Variants in GRIP1 observed in about 807,000 individuals in gnomAD.
The protein encoded by GRIP1 is glutamate receptor interacting protein 1.
In GRIP1, 45 loss-of-function variants were observed where a neutral mutation model predicts 129.9. The observed-to-expected ratio is 0.35, with a 90% CI of 0.27 to 0.44. The LOEUF (loss-of-function observed/expected upper bound fraction) is 0.44. Among genes scored for constraint, GRIP1 ranks in the 20% least tolerant of loss-of-function variants. The pLI, the probability that GRIP1 is intolerant of heterozygous loss-of-function variation, is 1.00. For synonymous variants in GRIP1, 530 were observed against 520.8 expected (o/e 1.02, Z -0.24); for missense variants, 1,196 against 1,396.8 (o/e 0.86, Z 2.29).
chr12:66,552,392 T>A (rs2062171961), intron 2 of GRIP1, among the ~76,000 whole-genome samples: 1 of 152,116 alleles, frequency 6.6e-6, no homozygotes, highest in African/African-American at 2.4e-5. Flanking sequence ...TTAAAGACTA[T>A]CCATTCTTTT....
intron 1 of GRIP1, among the ~76,000 whole-genome samples, chr12:66,908,306 T>A (rs1443827557): frequency 6.6e-6 from 1 of 152,074 alleles, no homozygotes; most frequent in Non-Finnish European, 1.5e-5. Flanking sequence ...TGAAAGTCAA[T>A]GACAATCTGA....
At chr12:66,449,444 G>GA (rs1051809226) in intron 11 of GRIP1, among the ~76,000 whole-genome samples, 10 of 151,380 alleles carry the variant, frequency 6.6e-5, no homozygotes, top group South Asian at 4.2e-4. Context: ...GGAGGAGTAA[G>GA]AAAAAAAATC....
intron 7 of GRIP1, among the ~76,000 whole-genome samples, chr12:66,509,227 T>G (rs2060623456): frequency 6.6e-6 from 1 of 152,166 alleles, no homozygotes; most frequent in African/African-American, 2.4e-5. Flanking sequence ...AATAGGAGAC[T>G]TGAGGTTCAT....
Position 67,063,750 on chromosome 12 carries a change from T to G in GRIP1, c.58+5300A>C, listed in dbSNP as rs377223301. 2.0e-5 allele frequency among the ~76,000 whole-genome samples: 3 copies of G among 152,350 alleles called. No homozygotes were observed. The East Asian group carries it at 5.8e-4, about 29-fold the overall frequency. On this transcript the variant is annotated intron_variant, in intron 1 of 1. Transcript: ENST00000643019. Reference sequence around the variant, plus strand: ...CCATAAGATTCAATTCTCAAATTCTTTTACTAATATCAGTTGAAATTTCTT... The same window carrying G: ...CCATAAGATTCAATTCTCAAATTCTGTTACTAATATCAGTTGAAATTTCTT...
At chr12:67,002,196 T>A (rs187554977) in intron 1 of GRIP1, among the ~76,000 whole-genome samples, 15 of 152,346 alleles carry the variant, frequency 9.8e-5, no homozygotes. Flanking sequence ...TAGATGCAAC[T>A]AATTTTTATT....
intron 1 of GRIP1, among the ~76,000 whole-genome samples, chr12:66,930,207 T>C (rs1215853307): frequency 6.7e-6 from 1 of 148,866 alleles, no homozygotes; most frequent in Non-Finnish European, 1.5e-5. Context: ...CTGCACCCAC[T>C]AACTCGTCAT....
intron 1 of GRIP1, among the ~76,000 whole-genome samples, chr12:66,716,735 T>C (rs2035900718): frequency 6.6e-6 from 1 of 151,964 alleles, no homozygotes; most frequent in African/African-American, 2.4e-5. Context: ...ACCAGGTGTG[T>C]CACCACAGGT....
At position 66,679,024 on chromosome 12, in the gene GRIP1, G is replaced by T. The variant is rs1248152731; in HGVS notation, c.-120C>A. 1 of 1,569,220 alleles carries T rather than the reference G, an allele frequency of 6.4e-7. No homozygotes were observed. The highest frequency in any genetic ancestry group is 1.8e-5 in the Admixed American group (1 of 54,134). On this transcript the variant is annotated 5_prime_UTR_variant, in exon 1 of 25. Coordinates refer to ENST00000359742, the MANE Select transcript of GRIP1 (RefSeq NM_001366722.1). ...AGGAGAAAGGTAGTCCCAGTGGGGAGTGACAAAGCTTAATTCCTCTTGGCT... is the reference window on the plus strand; with the variant it reads ...AGGAGAAAGGTAGTCCCAGTGGGGATTGACAAAGCTTAATTCCTCTTGGCT...
rs749834811 is a variant in GRIP1 at position 66,518,016 on chromosome 12, T to G, written c.503-40A>C. On this transcript the variant is annotated intron_variant, in intron 5 of 24. Coordinates refer to ENST00000359742, the MANE Select transcript of GRIP1 (RefSeq NM_001366722.1). ...GAACAGAGCTTAAAACTGCTTTCATTGTTGGCATTTAAAAAAAATCACCTA... is the reference window on the plus strand; with the variant it reads ...GAACAGAGCTTAAAACTGCTTTCATGGTTGGCATTTAAAAAAAATCACCTA... 4 of 1,092,296 alleles carry G rather than the reference T, an allele frequency of 3.7e-6. No individual in the cohort carries two copies. In the Admixed American group the frequency reaches 5.1e-5, roughly 14 times the overall value. 67.7% of individuals were successfully genotyped at this position (1,092,296 alleles called of 1,614,324 possible). A position where few individuals can be genotyped will look rare whatever the true frequency, so the allele number is the denominator to read the frequency against.
At chr12:66,707,974 T>C (rs565787823) in intron 1 of GRIP1, among the ~76,000 whole-genome samples, 1 of 152,202 alleles carries the variant, frequency 6.6e-6, no homozygotes, top group South Asian at 2.1e-4. Flanking sequence ...AGGTCCATCT[T>C]GCGTGGGAGA....
chr12:66,672,174 T>G (rs968596537), intron 1 of GRIP1, among the ~76,000 whole-genome samples: 2 of 152,360 alleles, frequency 1.3e-5, no homozygotes, highest in African/African-American at 4.8e-5. Context: ...CAACATATCT[T>G]TAGTGATATT....
chr12:66,572,019 C>T lies in GRIP1; in HGVS notation c.136+24828G>A, dbSNP rs1493480. Among the ~76,000 whole-genome samples the T allele has an allele frequency of 8.9e-3, 1,353 of 152,240 alleles. 24 individuals are homozygous for T. Among genetic ancestry groups the T allele is most frequent in the Admixed American group, 0.039 (595 of 15,296 alleles). ...TAAGGATACATATGTTTTAAATCAA[C>T]TTCTCAGGCCTAAAAAAACCCCACA... On this transcript the variant is annotated intron_variant, in intron 2 of 24. Coordinates refer to ENST00000359742, the MANE Select transcript of GRIP1 (RefSeq NM_001366722.1).
intron 1 of GRIP1, among the ~76,000 whole-genome samples, chr12:67,031,110 C>T (rs1592491671): frequency 6.6e-6 from 1 of 152,062 alleles, no homozygotes; most frequent in East Asian, 1.9e-4. Context: ...GCTTAGTCTC[C>T]CAACAGAGGC....
In GRIP1 at chr12:66,912,400, T is replaced by TAA. The variant is rs533021279; in HGVS notation, c.58+156648_58+156649dup. On this transcript the variant is annotated intron_variant, in intron 1 of 1. Transcript: ENST00000643019. The stretch of plus-strand genomic sequence containing the variant: ...TGAAGAAATACAGAAGCCTGTTTTC[T>TAA]AAAAAAAATGTATAGATATTACTAT... Among the ~76,000 whole-genome samples the TAA allele has an allele frequency of 1.4e-3, 218 of 151,986 alleles. 3 individuals carry two copies. Among genetic ancestry groups the TAA allele is most frequent in the African/African-American group, 4.6e-3 (191 of 41,512 alleles).
chr12:66,794,162 G>A (rs190471013), intron 1 of GRIP1, among the ~76,000 whole-genome samples: 6 of 152,224 alleles, frequency 3.9e-5, no homozygotes, highest in East Asian at 3.9e-4. Context: ...GAATAGCATC[G>A]GAATCATTGA....
intron 23 of GRIP1, among the ~76,000 whole-genome samples, chr12:66,365,075 T>C (rs941098064): frequency 6.6e-6 from 1 of 152,208 alleles, no homozygotes; most frequent in Non-Finnish European, 1.5e-5. Context: ...TATCAAGATA[T>C]CCCTTTGTAC....
At position 67,055,939 on chromosome 12, in the gene GRIP1, C is replaced by T. The variant is rs555741397; in HGVS notation, c.58+13111G>A. On this transcript the variant is annotated intron_variant, in intron 1 of 1. Transcript: ENST00000643019. ...AAACCAAGAAATTGGAAGGACAATT[C>T]GTATGAATATTGAAATCACCAGAAT... Among the ~76,000 whole-genome samples, 13 of 152,064 alleles carry T rather than the reference C, an allele frequency of 8.5e-5. 1 individual carries two copies. In the South Asian group the frequency reaches 1.0e-3, roughly 12 times the overall value.
intron 1 of GRIP1, among the ~76,000 whole-genome samples, chr12:66,766,602 C>G (rs112937027): frequency 5.3e-5 from 8 of 152,284 alleles, no homozygotes; most frequent in African/African-American, 1.7e-4. Context: ...AATGGCTGCC[C>G]TGTGAGGAAC....
At chr12:66,750,890 C>A (rs2037105356) in intron 1 of GRIP1, among the ~76,000 whole-genome samples, 1 of 152,142 alleles carries the variant, frequency 6.6e-6, no homozygotes, top group Admixed American at 6.5e-5. Flanking sequence ...TACATGTGAT[C>A]ATTAAAACAG....
Sources: allele counts gnomAD v4.1 joint callset (sites outside exome capture counted in the v4.1 genomes callset), GRCh38; gene constraint gnomAD v4.1.1; transcripts MANE v1.5; gene names NCBI Gene and HGNC (gene_info 2026-07-23, HGNC 2026-07-21).